Variants in CCDC149 observed in about 807,000 individuals in gnomAD.
CCDC149 encodes coiled-coil domain containing 149, also known as coiled-coil domain-containing protein 149.
Under a neutral mutation model 59.9 loss-of-function variants are expected in CCDC149, and 45 were observed. The ratio of observed to expected loss-of-function variants is 0.75; its 90% CI spans 0.59 to 0.96. The LOEUF (loss-of-function observed/expected upper bound fraction) is 0.96. Ranked by LOEUF, CCDC149 falls within the 40% of genes least tolerant of loss-of-function variation. The pLI is 0.00. For synonymous variants in CCDC149, 245 were observed against 260.6 expected (o/e 0.94, Z 0.58); for missense variants, 584 against 664.7 (o/e 0.88, Z 1.33).
At chr4:24,874,219 G>A (rs2109240699) in intron 2 of CCDC149, among the ~76,000 whole-genome samples, 1 of 144,122 alleles carries the variant, frequency 6.9e-6, no homozygotes, top group South Asian at 2.3e-4. Context: ...AGAAGACATT[G>A]AGAACTTCTA....
intron 3 of CCDC149, among the ~76,000 whole-genome samples, chr4:24,867,051 T>C (rs944882760): frequency 6.6e-6 from 1 of 152,178 alleles, no homozygotes. Context: ...ACAAAAAGCC[T>C]GAACTACAGC....
At position 24,834,222 on chromosome 4, in the gene CCDC149, G is replaced by A. The variant is rs1405473673; in HGVS notation, c.820+726C>T. 2.6e-5 allele frequency among the ~76,000 whole-genome samples: 4 copies of A among 152,114 alleles called. No homozygotes were observed. The East Asian group carries it at 7.7e-4, about 29-fold the overall frequency. ...GTAGTGCTGATTAAGACTGCCATAT[G>A]ATAGTTGCTGGTCTGCACTATCAAC... is the stretch of plus-strand genomic sequence containing the variant. On this transcript the variant is annotated intron_variant, in intron 8 of 12. Transcript: ENST00000635206.
At chr4:24,935,359 A>G (rs1039711085) in intron 1 of CCDC149, among the ~76,000 whole-genome samples, 1 of 152,198 alleles carries the variant, frequency 6.6e-6, no homozygotes, top group African/African-American at 2.4e-5. Flanking sequence ...GTAAAGATTT[A>G]TATTTTAAAT....
At chr4:24,964,860 G>C (rs759068951) in intron 1 of CCDC149, among the ~76,000 whole-genome samples, 19 of 143,700 alleles carry the variant, frequency 1.3e-4, no homozygotes, top group Non-Finnish European at 2.7e-4. Flanking sequence ...AATACTAATA[G>C]AACACCAATT....
chr4:24,942,156 T>G (rs1464669093), intron 1 of CCDC149, among the ~76,000 whole-genome samples: 5 of 152,192 alleles, frequency 3.3e-5, no homozygotes, highest in African/African-American at 1.2e-4. Context: ...AATAAAATAC[T>G]GGCAAACCAA....
intron 1 of CCDC149, among the ~76,000 whole-genome samples, chr4:24,940,427 G>A (rs1393626295): frequency 6.6e-6 from 1 of 152,204 alleles, no homozygotes; most frequent in African/African-American, 2.4e-5. Flanking sequence ...ACTGGTACCA[G>A]CCACTGCAAA....
intron 1 of CCDC149, among the ~76,000 whole-genome samples, chr4:24,943,824 A>G (rs1723020566): frequency 6.6e-6 from 1 of 152,250 alleles, no homozygotes; most frequent in Non-Finnish European, 1.5e-5. Context: ...GCTCATCATC[A>G]CTGGCCATCA....
At chr4:24,850,123 T>C in intron 4 of CCDC149, among the ~76,000 whole-genome samples, 1 of 151,724 alleles carries the variant, frequency 6.6e-6, no homozygotes, top group East Asian at 1.9e-4. Flanking sequence ...GTTTATTTCT[T>C]GCATACTTTT....
chr4:24,824,568 T>C (rs1382366052), intron 9 of CCDC149, among the ~76,000 whole-genome samples: 3 of 152,222 alleles, frequency 2.0e-5, no homozygotes, highest in Non-Finnish European at 1.5e-5. Flanking sequence ...ACATGTGGAC[T>C]GTAAGAAACA....
At chr4:24,904,643 T>C (rs1033873183) in intron 1 of CCDC149, among the ~76,000 whole-genome samples, 1 of 152,192 alleles carries the variant, frequency 6.6e-6, no homozygotes, top group Non-Finnish European at 1.5e-5. Context: ...ACTTTACAGT[T>C]CCTCCAGCAA....
chr4:24,898,648 C>A (rs1308571682), intron 1 of CCDC149, among the ~76,000 whole-genome samples: 3 of 152,174 alleles, frequency 2.0e-5, no homozygotes, highest in Non-Finnish European at 4.4e-5. Flanking sequence ...TTGTGCTAGA[C>A]ATTGGTGACC....
chr4:24,897,417 G>A (rs927844533), intron 1 of CCDC149, among the ~76,000 whole-genome samples: 1 of 152,122 alleles, frequency 6.6e-6, no homozygotes, highest in Non-Finnish European at 1.5e-5. Flanking sequence ...GAGAGCTGAC[G>A]GGAGCTATGG....
At chr4:24,897,094 G>A (rs953370222) in intron 1 of CCDC149, among the ~76,000 whole-genome samples, 1 of 152,108 alleles carries the variant, frequency 6.6e-6, no homozygotes, top group Non-Finnish European at 1.5e-5. Flanking sequence ...AGGGAGACAC[G>A]CGGTCAGAGA....
intron 1 of CCDC149, among the ~76,000 whole-genome samples, chr4:24,923,041 A>AT (rs1356650263): frequency 6.6e-6 from 1 of 151,984 alleles, no homozygotes; most frequent in Non-Finnish European, 1.5e-5. Flanking sequence ...CCATAAACCA[A>AT]TTTTTTAAAG....
At chr4:24,936,312 A>ATTT (rs71187201) in intron 1 of CCDC149, among the ~76,000 whole-genome samples, 37,080 of 151,834 alleles carry the variant, frequency 0.24, 4,817 homozygotes, top group African/African-American at 0.34. Context: ...ATTGCCACAT[A>ATTT]TTTTTATAAT....
At position 24,837,384 on chromosome 4, in the gene CCDC149, T is replaced by C; in HGVS notation, c.506A>G (p.His169Arg). The change falls in exon 6 of 13, where the codon CAC becomes CGC. Residue 169 changes from histidine to arginine, a missense_variant. Coordinates refer to ENST00000635206, the MANE Select transcript of CCDC149 (RefSeq NM_001330643.2). This position sits in a 1 kb window ranked among gnomAD's most constrained non-coding sequence, Gnocchi z 4.3. ...CTCGTCCACAGAAGCCTGCAGGTCG[T>C]GCTCCAGAGACTCAATCTAAAACCA... The C allele has an allele frequency of 6.2e-7, 1 of 1,614,174 alleles. No homozygotes were observed. The highest frequency in any genetic ancestry group is 1.1e-5 in the South Asian group (1 of 91,084).
At chr4:24,963,785 G>T (rs144014769) in intron 1 of CCDC149, among the ~76,000 whole-genome samples, 64 of 152,310 alleles carry the variant, frequency 4.2e-4, no homozygotes, top group African/African-American at 1.4e-3. Context: ...TAAGGCATTC[G>T]TCATGAAAAT....
chr4:24,839,460 T>G (rs1716800101), intron 4 of CCDC149, among the ~76,000 whole-genome samples: 1 of 152,250 alleles, frequency 6.6e-6, no homozygotes, highest in South Asian at 2.1e-4. Flanking sequence ...ATTACAGGCA[T>G]AAGCCACCGT....
intron 12 of CCDC149, among the ~76,000 whole-genome samples, chr4:24,814,889 C>A (rs1714914074): frequency 6.6e-6 from 1 of 152,220 alleles, no homozygotes; most frequent in African/African-American, 2.4e-5. Context: ...AGCACCTATA[C>A]TTAGAAAGTT....
Sources: gnomAD v4.1 joint callset for allele counts (sites outside exome capture counted in the v4.1 genomes callset) on GRCh38, gnomAD v4.1.1 for gene constraint, Gnocchi (gnomAD v3.1) non-coding constraint, MANE v1.5 for transcripts, NCBI Gene and HGNC (gene_info 2026-07-23, HGNC 2026-07-21) for gene names.